FADS2: variants seen among roughly 807,000 people sequenced by gnomAD.
FADS2 encodes acyl-CoA 6-desaturase.
Under a neutral mutation model 61.2 loss-of-function variants are expected in FADS2, and 18 were observed. The ratio of observed to expected loss-of-function variants is 0.29; its 90% CI spans 0.20 to 0.44. FADS2 has a LOEUF of 0.44. FADS2 is among the 20% of genes least tolerant of loss of function. The pLI, the probability that FADS2 is intolerant of heterozygous loss-of-function variation, is 1.00. For synonymous variants in FADS2, 203 were observed against 223.9 expected, an observed-to-expected ratio of 0.91 and a Z score of 0.83; for missense variants, 322 against 572.7, an observed-to-expected ratio of 0.56 and a Z score of 4.47.
At chr11:61,853,732 G>A (rs2067331255) in intron 5 of FADS2, among the ~76,000 whole-genome samples, 1 of 152,116 alleles carries the variant, frequency 6.6e-6, no homozygotes, top group African/African-American at 2.4e-5. Context: ...GGGGACCTTG[G>A]ACTGGGACCT....
chr11:61,864,658 G>C (rs2067446796), intron 10 of FADS2, among the ~76,000 whole-genome samples: 1 of 152,078 alleles, frequency 6.6e-6, no homozygotes, highest in Admixed American at 6.5e-5. Flanking sequence ...GCCTCCCAAA[G>C]TGCTGGGATT....
intron 4 of FADS2, among the ~76,000 whole-genome samples, chr11:61,846,102 C>T (rs935069645): frequency 2.0e-5 from 3 of 150,934 alleles, no homozygotes; most frequent in African/African-American, 7.3e-5. Flanking sequence ...TTTGATTCCT[C>T]GAGCCTCTAA....
At chr11:61,845,316 G>T (rs1238642634) in intron 4 of FADS2, among the ~76,000 whole-genome samples, 1 of 152,112 alleles carries the variant, frequency 6.6e-6, no homozygotes, top group Non-Finnish European at 1.5e-5. Context: ...AGCTCCGTGA[G>T]GACAAGGGCT....
At chr11:61,864,186 GTTT>G (rs551908563) in intron 10 of FADS2, 4 of 144,838 alleles carry the variant, frequency 2.8e-5, no homozygotes, top group African/African-American at 1.0e-4. Flanking sequence ...TCTTGTCACT[GTTT>G]TTTTTTTTTT....
chr11:61,848,288 C>T lies in FADS2; in HGVS notation c.744+4C>T, dbSNP rs118041921. 306 of 1,614,024 alleles carry T rather than the reference C, an allele frequency of 1.9e-4. 3 individuals are homozygous for T. In the East Asian group the frequency reaches 4.9e-3, roughly 26 times the overall value. ...GGGCGAATGGCAGCCCATCGAGGTA[C>T]GACTAAGAGGATGGTGTTGACCTAG... On this transcript the variant is annotated splice_donor_region_variant and intron_variant, in intron 5 of 11. Coordinates refer to ENST00000278840, the MANE Select transcript of FADS2 (RefSeq NM_004265.4).
chr11:61,843,659 G>T (rs2067233560), intron 4 of FADS2, among the ~76,000 whole-genome samples: 1 of 152,098 alleles, frequency 6.6e-6, no homozygotes, highest in African/African-American at 2.4e-5. Context: ...ATGCAATGTG[G>T]TTTTGTTTTG....
intron 1 of FADS2, among the ~76,000 whole-genome samples, chr11:61,832,420 A>G (rs2067137924): frequency 6.6e-6 from 1 of 152,188 alleles, no homozygotes; most frequent in Non-Finnish European, 1.5e-5. Flanking sequence ...GAGCTGTCCA[A>G]TTTCTGTGGC....
chr11:61,848,417 C>T (rs1276684756), intron 5 of FADS2, 133 bp downstream of exon 5: 16 of 1,465,272 alleles, frequency 1.1e-5, no homozygotes, highest in Middle Eastern at 2.2e-4. Context: ...CATCGAGGTA[C>T]GACTAAGGGG....
intron 7 of FADS2, chr11:61,862,420 G>A (rs1387805946): frequency 6.3e-6 from 1 of 158,248 alleles, no homozygotes; most frequent in African/African-American, 2.4e-5. Context: ...TCCAGCCAGA[G>A]GCAGGGAGGA....
intron 1 of FADS2, among the ~76,000 whole-genome samples, chr11:61,829,012 G>A (rs1380456326): frequency 6.6e-6 from 1 of 152,258 alleles, no homozygotes; most frequent in Non-Finnish European, 1.5e-5. Context: ...CGGGAGCGCA[G>A]GCAGCCAGGT....
chr11:61,854,272 C>G (rs1451913523), intron 5 of FADS2: 2 of 152,298 alleles, frequency 1.3e-5, no homozygotes, highest in African/African-American at 4.8e-5. Flanking sequence ...TGGGAAGAAG[C>G]CTGACTCTTG....
chr11:61,848,418 G>A lies in FADS2; in HGVS notation c.744+134G>A, dbSNP rs538650221. The A allele has an allele frequency of 9.6e-6, 14 of 1,461,418 alleles. No individual in the cohort carries two copies. The Admixed American group carries it at 1.7e-4, about 18-fold the overall frequency. 90.5% of individuals were successfully genotyped at this position (1,461,418 alleles called of 1,614,324 possible). A position where few individuals can be genotyped will look rare whatever the true frequency, so the allele number is the denominator to read the frequency against. ...GGGCGAATGGCAGCCATCGAGGTACGACTAAGGGGTTGGTGTTGACCTAGG... is the reference window on the plus strand; with the variant it reads ...GGGCGAATGGCAGCCATCGAGGTACAACTAAGGGGTTGGTGTTGACCTAGG... On this transcript the variant is annotated intron_variant, in intron 5 of 11. Transcript: ENST00000278840.
chr11:61,863,905 G>T, intron 10 of FADS2, 119 bp downstream of exon 10: 2 of 829,796 alleles, frequency 2.4e-6, no homozygotes, highest in Non-Finnish European at 2.0e-6. Flanking sequence ...CAAGGTCTCT[G>T]CCCAATATAG....
Position 61,816,923 on chromosome 11 carries a change from T to C in FADS2, c.141+497T>C. ...AGACCGGCGGGCCTCGCAGCGCGCG[T>C]TCCCATTGGCCGAGCCTCGTGGCGC... On this transcript the variant is annotated intron_variant, in intron 1 of 11. Transcript: ENST00000257261. This position sits in a 1 kb window ranked among gnomAD's most constrained non-coding sequence, Gnocchi z 7.0. 2.1e-6 allele frequency: 3 copies of C among 1,397,474 alleles called. No homozygotes were observed. The highest frequency in any genetic ancestry group is 2.8e-6 in the Non-Finnish European group (3 of 1,086,288). The allele number at this position is 1,397,474 out of a possible 1,614,324, so 86.6% of individuals were successfully genotyped here.
chr11:61,816,524 C>T lies in FADS2; in HGVS notation c.141+98C>T, dbSNP rs2066985563. ...CCTGCACTCAGCCTCCGGTCCCGCC[C>T]TCTCCTGTGCCCCCGCCTGGCTGCG... On this transcript the variant is annotated intron_variant, in intron 1 of 11. Coordinates refer to the FADS2 transcript ENST00000257261. This position sits in a 1 kb window ranked among gnomAD's most constrained non-coding sequence, Gnocchi z 7.0. 1 of 1,596,950 alleles carries T rather than the reference C, an allele frequency of 6.3e-7. No individual in the cohort carries two copies. The highest frequency in any genetic ancestry group is 8.5e-7 in the Non-Finnish European group (1 of 1,173,668).
chr11:61,817,481 T>A (rs868064122), intron 1 of FADS2, among the ~76,000 whole-genome samples: 4 of 152,372 alleles, frequency 2.6e-5, no homozygotes, highest in Middle Eastern at 3.4e-3. Context: ...ATTTGTTCAA[T>A]GAAACATTTA....
chr11:61,846,416 T>TA (rs200061840), intron 4 of FADS2, among the ~76,000 whole-genome samples: 15,481 of 144,254 alleles, frequency 0.11, 1,495 homozygotes, highest in African/African-American at 0.25. Context: ...GACTTTTTTT[T>TA]TTTTTTTCTC....
intron 1 of FADS2, among the ~76,000 whole-genome samples, chr11:61,819,207 GA>G (rs917147031): frequency 2.0e-5 from 3 of 151,630 alleles, no homozygotes; most frequent in East Asian, 1.9e-4. Context: ...CTGAAGAGAT[GA>G]AAAAAAATAG....
intron 5 of FADS2, chr11:61,855,946 G>T (rs1051561438): frequency 2.0e-5 from 3 of 152,362 alleles, no homozygotes; most frequent in Admixed American, 2.0e-4. Context: ...TTATGCCCAT[G>T]TTCTCATTGG....
Sources: allele counts gnomAD v4.1 joint callset (sites outside exome capture counted in the v4.1 genomes callset), GRCh38; gene constraint gnomAD v4.1.1; non-coding constraint Gnocchi (gnomAD v3.1); transcripts MANE v1.5; gene names NCBI Gene and HGNC (gene_info 2026-07-23, HGNC 2026-07-21).